The following MAGI2 variants were observed in gnomAD, a reference collection of about 807,000 sequenced individuals.
The protein encoded by MAGI2 is membrane-associated guanylate kinase, WW and PDZ domain-containing protein 2.
MAGI2 carries 35 observed loss-of-function variants against 133.3 expected under a neutral mutation model. The ratio of observed to expected loss-of-function variants is 0.26; its 90% CI spans 0.20 to 0.35. The LOEUF (loss-of-function observed/expected upper bound fraction) is 0.35. Among genes scored for constraint, MAGI2 ranks in the 10% least tolerant of loss-of-function variants. The pLI is 1.00. For synonymous variants in MAGI2, 729 were observed against 710.6 expected (o/e 1.03, Z -0.41); for missense variants, 1,636 against 1,863.4 (o/e 0.88, Z 2.25).
intron 7 of MAGI2, among the ~76,000 whole-genome samples, chr7:78,367,009 TG>T (rs1161092374): frequency 6.6e-6 from 1 of 151,986 alleles, no homozygotes; most frequent in African/African-American, 2.4e-5. Context: ...ATAGAACACA[TG>T]ACTGACTACA....
At chr7:78,549,396 C>T (rs1799144774) in intron 3 of MAGI2, among the ~76,000 whole-genome samples, 1 of 151,750 alleles carries the variant, frequency 6.6e-6, no homozygotes, top group African/African-American at 2.4e-5. Context: ...GTTCATTCAT[C>T]TGCATTCTAG....
chr7:78,558,333 T>C (rs1039926897), intron 3 of MAGI2, among the ~76,000 whole-genome samples: 5 of 152,204 alleles, frequency 3.3e-5, no homozygotes, highest in African/African-American at 1.2e-4. Flanking sequence ...TTCACTGTGG[T>C]TCAAATTCAC....
chr7:79,408,276 A>T (rs984707219), intron 1 of MAGI2, among the ~76,000 whole-genome samples: 7 of 152,116 alleles, frequency 4.6e-5, no homozygotes, highest in African/African-American at 7.2e-5. Context: ...AATGAGAAAT[A>T]TTTTATAATT....
intron 20 of MAGI2, among the ~76,000 whole-genome samples, chr7:78,115,191 T>A (rs577833584): frequency 6.6e-6 from 1 of 152,124 alleles, no homozygotes; most frequent in African/African-American, 2.4e-5. Flanking sequence ...TCCATTTTGA[T>A]GACTAGGCAA....
chr7:78,965,346 T>A (rs180891850), intron 2 of MAGI2, among the ~76,000 whole-genome samples: 32 of 152,060 alleles, frequency 2.1e-4, no homozygotes, highest in African/African-American at 5.5e-4. Context: ...ATTTTTTTTT[T>A]TATATTTCAG....
chr7:78,538,882 A>G (rs1256706532), intron 3 of MAGI2, among the ~76,000 whole-genome samples: 1 of 152,336 alleles, frequency 6.6e-6, no homozygotes, highest in East Asian at 1.9e-4. Flanking sequence ...CAAAAAAACC[A>G]AGATATTCAG....
At position 78,419,240 on chromosome 7, in the gene MAGI2, G is replaced by A. The variant is rs189002647; in HGVS notation, c.1046-50027C>T. ...TAGGATCTTTTTCACAAACTACAAA[G>A]AGGGGTATTTTGTTTGCCAAGAGGA... is the stretch of plus-strand genomic sequence containing the variant. On this transcript the variant is annotated intron_variant, in intron 6 of 21. Coordinates refer to ENST00000354212, the MANE Select transcript of MAGI2 (RefSeq NM_012301.4). Among the ~76,000 whole-genome samples the A allele has an allele frequency of 1.4e-3, 218 of 152,224 alleles. 2 individuals carry two copies. The highest frequency in any genetic ancestry group is 7.4e-5 in the Non-Finnish European group (5 of 68,020).
At chr7:78,281,871 C>G (rs1220313311) in intron 9 of MAGI2, among the ~76,000 whole-genome samples, 1 of 135,176 alleles carries the variant, frequency 7.4e-6, no homozygotes, top group African/African-American at 3.0e-5. Context: ...TAAGATGGAG[C>G]AAAACTCCAT....
At chr7:78,380,939 T>C (rs1165328831) in intron 6 of MAGI2, among the ~76,000 whole-genome samples, 1 of 152,136 alleles carries the variant, frequency 6.6e-6, no homozygotes, top group Admixed American at 6.6e-5. Context: ...AAACCTAAAA[T>C]GGGCAATTTC....
intron 3 of MAGI2, among the ~76,000 whole-genome samples, chr7:78,543,233 T>G (rs1390586457): frequency 6.6e-6 from 1 of 152,198 alleles, no homozygotes; most frequent in African/African-American, 2.4e-5. Context: ...AAAAAGGAAC[T>G]TTGAATAGGT....
At chr7:78,331,417 G>A (rs1239522769) in intron 9 of MAGI2, among the ~76,000 whole-genome samples, 4 of 152,160 alleles carry the variant, frequency 2.6e-5, no homozygotes, top group African/African-American at 4.8e-5. Flanking sequence ...AGCAGAATCC[G>A]GTAAATCTTT....
At position 78,582,624 on chromosome 7, in the gene MAGI2, C is replaced by G. The variant is rs190695473; in HGVS notation, c.538+44496G>C. On this transcript the variant is annotated intron_variant, in intron 3 of 21. Transcript: ENST00000354212. ...GATGCCTGAATGAACACTTGAAAGA[C>G]AGCTACCTACCAGAAGCACCTGCAT... Among the ~76,000 whole-genome samples the G allele has an allele frequency of 1.7e-3, 266 of 152,330 alleles. 3 individuals carry two copies. Among genetic ancestry groups the G allele is most frequent in the African/African-American group, 4.7e-3 (195 of 41,584 alleles).
intron 3 of MAGI2, among the ~76,000 whole-genome samples, chr7:78,611,281 AATCT>A (rs1177214821): frequency 6.6e-6 from 1 of 152,194 alleles, no homozygotes; most frequent in Non-Finnish European, 1.5e-5. Flanking sequence ...AACAGGCCAT[AATCT>A]ATCTTTCTTC....
chr7:78,307,735 G>A (rs185134766), intron 9 of MAGI2, among the ~76,000 whole-genome samples: 1 of 152,318 alleles, frequency 6.6e-6, no homozygotes, highest in Admixed American at 6.5e-5. Flanking sequence ...GACTGGCTAA[G>A]AGTTGATAAC....
chr7:78,558,626 A>G (rs1800065965), intron 3 of MAGI2, among the ~76,000 whole-genome samples: 1 of 152,130 alleles, frequency 6.6e-6, no homozygotes, highest in Admixed American at 6.6e-5. Context: ...GTGATAATTT[A>G]CAACCCTCCA....
chr7:79,296,461 G>C (rs188174404), intron 1 of MAGI2, among the ~76,000 whole-genome samples: 1 of 152,256 alleles, frequency 6.6e-6, no homozygotes, highest in East Asian at 1.9e-4. Context: ...TGCATGGATA[G>C]AGAAAATGTG....
chr7:79,148,703 G>A (rs926317800), intron 1 of MAGI2, among the ~76,000 whole-genome samples: 2 of 151,862 alleles, frequency 1.3e-5, no homozygotes, highest in Non-Finnish European at 2.9e-5. Flanking sequence ...GGAAAAAAGA[G>A]GGTGTGTGAA....
chr7:78,487,602 G>C (rs1793171918), intron 6 of MAGI2, among the ~76,000 whole-genome samples: 1 of 151,996 alleles, frequency 6.6e-6, no homozygotes, highest in African/African-American at 2.4e-5. Context: ...ACCTGCACTA[G>C]GATGTTAGCT....
At chr7:78,535,006 A>G (rs1292411463) in intron 3 of MAGI2, among the ~76,000 whole-genome samples, 3 of 152,042 alleles carry the variant, frequency 2.0e-5, no homozygotes, top group Admixed American at 6.6e-5. Context: ...GGTGGTGGGC[A>G]CTTGTAATCC....
Sources: gnomAD v4.1 joint callset for allele counts (sites outside exome capture counted in the v4.1 genomes callset) on GRCh38, gnomAD v4.1.1 for gene constraint, MANE v1.5 for transcripts, NCBI Gene and HGNC (gene_info 2026-07-23, HGNC 2026-07-21) for gene names.